Variants in LMNTD1 observed in about 807,000 individuals in gnomAD.
LMNTD1 encodes the protein lamin tail domain containing 1.
Under a neutral mutation model 50.9 loss-of-function variants are expected in LMNTD1, and 35 were observed. That is an observed-to-expected ratio of 0.69 (90% CI 0.53 to 0.91). The LOEUF is 0.91. LMNTD1 is among the 40% of genes least tolerant of loss of function. LMNTD1 has a pLI of 0.00. For missense variants in LMNTD1, 470 were observed against 475.5 expected (o/e 0.99, Z 0.11); for synonymous variants, 153 against 161.9 (o/e 0.94, Z 0.42).
intron 9 of LMNTD1, among the ~76,000 whole-genome samples, chr12:25,500,601 G>A (rs1939329505): frequency 6.6e-6 from 1 of 152,136 alleles, no homozygotes; most frequent in Admixed American, 6.5e-5. Context: ...ATACTCTTGA[G>A]GACAGTTCTG....
At chr12:25,617,434 T>C (rs536172505) in intron 1 of LMNTD1, among the ~76,000 whole-genome samples, 8 of 152,238 alleles carry the variant, frequency 5.3e-5, no homozygotes, top group African/African-American at 1.9e-4. Context: ...ATGTGATCTC[T>C]TGGACAAGTG....
At chr12:25,634,610 G>A (rs938140464) in intron 1 of LMNTD1, among the ~76,000 whole-genome samples, 2 of 151,786 alleles carry the variant, frequency 1.3e-5, no homozygotes, top group Admixed American at 6.6e-5. Context: ...TGCAGAAAAA[G>A]CATTCGACAA....
chr12:25,623,957 G>C (rs1305703672), intron 1 of LMNTD1, among the ~76,000 whole-genome samples: 1 of 152,118 alleles, frequency 6.6e-6, no homozygotes, highest in Non-Finnish European at 1.5e-5. Context: ...AGCTTCCCTG[G>C]TTCTGACTTG....
chr12:25,510,366 T>G lies in LMNTD1; in HGVS notation c.1190-6566A>C, dbSNP rs148270781. On this transcript the variant is annotated intron_variant, in intron 8 of 9. Coordinates refer to ENST00000458174, the MANE Select transcript of LMNTD1 (RefSeq NM_001145728.2). ...TTGAGGCTATCATTCCATTATCTTATGACTTCCATATTTTGTTTTCTGAAG... is the reference window on the plus strand; with the variant it reads ...TTGAGGCTATCATTCCATTATCTTAGGACTTCCATATTTTGTTTTCTGAAG... Among the ~76,000 whole-genome samples the G allele has an allele frequency of 3.0e-3, 453 of 152,226 alleles. 2 individuals carry two copies. The highest frequency in any genetic ancestry group is 4.2e-3 in the Non-Finnish European group (288 of 68,002).
Position 25,616,722 on chromosome 12 carries a change from T to C in LMNTD1, c.58+31772A>G, listed in dbSNP as rs1946360610. Among the ~76,000 whole-genome samples, 2 of 152,178 alleles carry C rather than the reference T, an allele frequency of 1.3e-5. 1 individual carries two copies. The highest frequency in any genetic ancestry group is 4.1e-4 in the South Asian group (2 of 4,828). On this transcript the variant is annotated intron_variant, in intron 1 of 7. Transcript: ENST00000445693. ...CTTAAATTGCATATGAATCTACAAT[T>C]ATTTCAAAATAAAAAGGCCACGTAT...
intron 1 of LMNTD1, among the ~76,000 whole-genome samples, chr12:25,646,092 A>G (rs1447609405): frequency 6.6e-6 from 1 of 152,134 alleles, no homozygotes; most frequent in African/African-American, 2.4e-5. Context: ...TTGACAGTGT[A>G]GAGGTCAAAA....
intron 4 of LMNTD1, among the ~76,000 whole-genome samples, chr12:25,536,302 C>T (rs1013769746): frequency 2.0e-4 from 30 of 151,954 alleles, no homozygotes; most frequent in African/African-American, 6.8e-4. Flanking sequence ...GAACATTTAC[C>T]AGAATAATTA....
intron 4 of LMNTD1, among the ~76,000 whole-genome samples, chr12:25,536,818 G>A (rs904256338): frequency 5.3e-5 from 8 of 152,254 alleles, no homozygotes; most frequent in Admixed American, 1.3e-4. Context: ...TGAGGTACCA[G>A]GTTCATCTCA....
chr12:25,509,317 AG>A (rs920591980), intron 8 of LMNTD1, among the ~76,000 whole-genome samples: 1 of 152,206 alleles, frequency 6.6e-6, no homozygotes, highest in Non-Finnish European at 1.5e-5. Flanking sequence ...CATGTTGGCC[AG>A]GCTGGTCTCG....
At chr12:25,527,233 T>A (rs2666787) in intron 4 of LMNTD1, among the ~76,000 whole-genome samples, 1 of 151,828 alleles carries the variant, frequency 6.6e-6, no homozygotes. Flanking sequence ...CACAGGAAGT[T>A]GAGAATTATA....
At chr12:25,624,729 T>C (rs1232492087) in intron 1 of LMNTD1, among the ~76,000 whole-genome samples, 1 of 152,254 alleles carries the variant, frequency 6.6e-6, no homozygotes, top group Non-Finnish European at 1.5e-5. Context: ...TGCACTATTA[T>C]TATTTGCATT....
At chr12:25,514,516 T>C (rs1591864261) in intron 8 of LMNTD1, among the ~76,000 whole-genome samples, 1 of 149,448 alleles carries the variant, frequency 6.7e-6, no homozygotes, top group Non-Finnish European at 1.5e-5. Context: ...GGAAGGGTAG[T>C]GGGGGATTTG....
At chr12:25,608,233 C>T (rs911882681) in intron 1 of LMNTD1, among the ~76,000 whole-genome samples, 6 of 152,168 alleles carry the variant, frequency 3.9e-5, no homozygotes, top group Non-Finnish European at 8.8e-5. Context: ...TGTCTCTGCA[C>T]GTGAGATGGG....
chr12:25,564,508 C>A (rs1036150341), intron 1 of LMNTD1, among the ~76,000 whole-genome samples: 1 of 152,236 alleles, frequency 6.6e-6, no homozygotes, highest in African/African-American at 2.4e-5. Flanking sequence ...CCACCTACCT[C>A]AGCCTCCCAA....
At chr12:25,534,772 C>T (rs1319574184) in intron 4 of LMNTD1, among the ~76,000 whole-genome samples, 1 of 152,146 alleles carries the variant, frequency 6.6e-6, no homozygotes, top group Non-Finnish European at 1.5e-5. Context: ...GCCTTGTGTA[C>T]AGTACTAAGG....
chr12:25,593,778 T>C (rs1945770279), intron 1 of LMNTD1, among the ~76,000 whole-genome samples: 1 of 142,522 alleles, frequency 7.0e-6, no homozygotes, highest in South Asian at 2.2e-4. Flanking sequence ...CCAGAGAAAG[T>C]CAAAGCCCAA....
chr12:25,643,912 C>T (rs2136631993), intron 1 of LMNTD1, among the ~76,000 whole-genome samples: 1 of 152,232 alleles, frequency 6.6e-6, no homozygotes, highest in Admixed American at 6.5e-5. Context: ...ACAAGATCAC[C>T]TGGAGAGACT....
rs574036880 is a variant in LMNTD1 at position 25,489,278 on chromosome 12, A to C, written c.*23-12818T>G. ...CAGACTGCTGTGCTAGCAATCAGTG[A>C]GATTCCGTGGGCGTAGGACCCTCCG... On this transcript the variant is annotated intron_variant, in intron 9 of 9. Transcript: ENST00000458174. Among the ~76,000 whole-genome samples the C allele has an allele frequency of 1.7e-3, 254 of 150,164 alleles. 1 individual carries two copies. Among genetic ancestry groups the C allele is most frequent in the South Asian group, 8.6e-3 (40 of 4,652 alleles).
At chr12:25,601,775 CTTAT>C (rs1945983107) in intron 1 of LMNTD1, among the ~76,000 whole-genome samples, 1 of 151,758 alleles carries the variant, frequency 6.6e-6, no homozygotes, top group African/African-American at 2.4e-5. Flanking sequence ...TTTTCTTTGA[CTTAT>C]TTATTAATTT....
Sources: allele counts gnomAD v4.1 joint callset (sites outside exome capture counted in the v4.1 genomes callset), GRCh38; gene constraint gnomAD v4.1.1; transcripts MANE v1.5; gene names NCBI Gene and HGNC (gene_info 2026-07-23, HGNC 2026-07-21).